The following ZYG11B variants were observed in gnomAD, a reference collection of about 807,000 sequenced individuals.
ZYG11B encodes the protein protein zyg-11 homolog B.
In ZYG11B, 36 loss-of-function variants were observed where a neutral mutation model predicts 82.4. That is an observed-to-expected ratio of 0.44 (90% CI 0.33 to 0.58). ZYG11B has a LOEUF of 0.58. Ranked by LOEUF, ZYG11B falls within the 20% of genes least tolerant of loss-of-function variation. ZYG11B has a pLI of 0.02. For synonymous variants in ZYG11B, 303 were observed against 312.8 expected (o/e 0.97, Z 0.33); for missense variants, 552 against 895.6 (o/e 0.62, Z 4.90).
intron 13 of ZYG11B, among the ~76,000 whole-genome samples, chr1:52,817,327 T>C (rs1193122332): frequency 6.6e-6 from 1 of 152,196 alleles, no homozygotes; most frequent in Admixed American, 6.6e-5. Flanking sequence ...CCAGCACCCA[T>C]GGTTTCTGAA....
At chr1:52,799,025 C>T (rs1216262395) in intron 8 of ZYG11B, among the ~76,000 whole-genome samples, 1 of 151,820 alleles carries the variant, frequency 6.6e-6, no homozygotes, top group Non-Finnish European at 1.5e-5. Context: ...ATGAATGATA[C>T]TTGCTACCTT....
chr1:52,802,253 A>G (rs1571791798), intron 10 of ZYG11B, 114 bp downstream of exon 10: 2 of 901,240 alleles, frequency 2.2e-6, no homozygotes, highest in East Asian at 2.6e-5. Flanking sequence ...TATCTAAGGC[A>G]CGGTCATTGC....
Position 52,821,334 on chromosome 1 carries a change from TA to T in ZYG11B, c.2045-96del, listed in dbSNP as rs889295494. On this transcript the variant is annotated intron_variant, in intron 13 of 13. Coordinates refer to ENST00000294353, the MANE Select transcript of ZYG11B (RefSeq NM_024646.3). ...TGTTAGTGATCAATAACAAAACAGC[TA>T]AAAAAAAATGGCTCCTAGAAGTCAT... 2,727 of 1,126,968 alleles carry T rather than the reference TA, an allele frequency of 2.4e-3. 1 individual carries two copies. The highest frequency in any genetic ancestry group is 3.3e-3 in the South Asian group (185 of 55,944). The allele number at this position is 1,126,968 out of a possible 1,614,324, so 69.8% of individuals were successfully genotyped here.
intron 8 of ZYG11B, among the ~76,000 whole-genome samples, chr1:52,800,756 G>A (rs1420380397): frequency 1.3e-5 from 2 of 152,010 alleles, no homozygotes; most frequent in Non-Finnish European, 2.9e-5. Flanking sequence ...GTCGCAGTGA[G>A]CTGAGATTGC....
In ZYG11B at chr1:52,771,854, G is replaced by A. The variant is rs1571979; in HGVS notation, c.951+80G>A. 0.48 allele frequency: 702,129 copies of A among 1,457,592 alleles called. 182,548 individuals carry two copies. The highest frequency in any genetic ancestry group is 0.97 in the East Asian group (42,746 of 43,948). 90.3% of individuals were successfully genotyped at this position (1,457,592 alleles called of 1,614,324 possible). On this transcript the variant is annotated intron_variant, in intron 3 of 13. Coordinates refer to ENST00000294353, the MANE Select transcript of ZYG11B (RefSeq NM_024646.3). The surrounding 1 kb of genome is among the most constrained non-coding windows in gnomAD (Gnocchi z 5.4). ...AAGACTCTATTAAAGATGAATGTCT[G>A]TAATATATGGAACATGTTCATGAAA...
intron 1 of ZYG11B, among the ~76,000 whole-genome samples, chr1:52,744,847 A>AT (rs1644463780): frequency 6.6e-6 from 1 of 152,166 alleles, no homozygotes; most frequent in African/African-American, 2.4e-5. Context: ...TATCAAAAAA[A>AT]AAATATATTT....
chr1:52,807,110 G>C (rs1229580189), intron 10 of ZYG11B, among the ~76,000 whole-genome samples: 1 of 151,792 alleles, frequency 6.6e-6, no homozygotes, highest in Non-Finnish European at 1.5e-5. Flanking sequence ...CTCATGATCT[G>C]CCCGCCTCAG....
chr1:52,796,884 TATATATAATATATAA>T (rs1558137116), intron 8 of ZYG11B, 100 bp downstream of exon 8: 1 of 121,612 alleles, frequency 8.2e-6, no homozygotes, highest in African/African-American at 4.1e-5. Context: ...TATATATAAT[TATATATAATATATAA>T]TTATATATAT....
intron 2 of ZYG11B, among the ~76,000 whole-genome samples, chr1:52,764,743 C>T (rs1042970452): frequency 6.6e-6 from 1 of 152,086 alleles, no homozygotes; most frequent in African/African-American, 2.4e-5. Flanking sequence ...GAACACTGTT[C>T]TCTTAAGAAG....
Position 52,802,085 on chromosome 1 carries a change from T to C in ZYG11B, c.1648-7T>C. On this transcript the variant is annotated splice_polypyrimidine_tract_variant and splice_region_variant and intron_variant, in intron 9 of 13. Transcript: ENST00000294353. ...AGGTAATTATAGGTTTCTTTTTCTT[T>C]TTACAGTCTTTCCCAACTGAGTCAT... 1 of 1,603,976 alleles carries C rather than the reference T, an allele frequency of 6.2e-7. No individual in the cohort carries two copies.
intron 1 of ZYG11B, among the ~76,000 whole-genome samples, chr1:52,734,440 G>GTT (rs11394003): frequency 0.039 from 5,767 of 146,418 alleles, 337 homozygotes; most frequent in African/African-American, 0.13. Context: ...GGAATAAAAG[G>GTT]TTTTTTTTTT....
chr1:52,754,594 C>G (rs1320450897), intron 1 of ZYG11B: 1 of 152,176 alleles, frequency 6.6e-6, no homozygotes, highest in Non-Finnish European at 1.5e-5. Flanking sequence ...GTTCCTCAGA[C>G]TGGTCTCAAA....
intron 10 of ZYG11B, among the ~76,000 whole-genome samples, chr1:52,807,849 G>C (rs1441196162): frequency 1.3e-5 from 2 of 151,102 alleles, no homozygotes; most frequent in Non-Finnish European, 3.0e-5. Context: ...TGGATCTGCT[G>C]ATGATGAATT....
intron 3 of ZYG11B, among the ~76,000 whole-genome samples, chr1:52,774,338 A>C: frequency 7.4e-6 from 1 of 135,430 alleles, no homozygotes; most frequent in Non-Finnish European, 1.5e-5. Flanking sequence ...GATGGAGTCT[A>C]GCTCCGTCAC....
intron 1 of ZYG11B, among the ~76,000 whole-genome samples, chr1:52,748,612 C>A (rs997509239): frequency 6.6e-6 from 1 of 152,216 alleles, no homozygotes; most frequent in African/African-American, 2.4e-5. Flanking sequence ...CCTGTAATCC[C>A]AGCACTTTGG....
intron 1 of ZYG11B, among the ~76,000 whole-genome samples, chr1:52,740,853 C>G (rs1293939695): frequency 6.7e-6 from 1 of 149,014 alleles, no homozygotes; most frequent in Non-Finnish European, 1.5e-5. Context: ...GTGTGAGCCA[C>G]TGCGCCCTGC....
At chr1:52,762,982 G>T (rs932470499) in intron 2 of ZYG11B, among the ~76,000 whole-genome samples, 26 of 141,590 alleles carry the variant, frequency 1.8e-4, no homozygotes, top group African/African-American at 3.8e-4. Flanking sequence ...AGATTGGGGG[G>T]GGGGGGTCTA....
intron 2 of ZYG11B, among the ~76,000 whole-genome samples, chr1:52,767,784 G>C (rs529783072): frequency 6.6e-6 from 1 of 152,278 alleles, no homozygotes; most frequent in South Asian, 2.1e-4. Flanking sequence ...ACCATGTTGG[G>C]AGGAGGTGGC....
chr1:52,740,810 T>C (rs188792368), intron 1 of ZYG11B, among the ~76,000 whole-genome samples: 8 of 150,772 alleles, frequency 5.3e-5, no homozygotes, highest in Non-Finnish European at 7.4e-5. Context: ...AGTGATCTGC[T>C]CACCTTGGCC....
Sources: allele counts gnomAD v4.1 joint callset (sites outside exome capture counted in the v4.1 genomes callset), GRCh38; gene constraint gnomAD v4.1.1; non-coding constraint Gnocchi (gnomAD v3.1); transcripts MANE v1.5; gene names NCBI Gene and HGNC (gene_info 2026-07-23, HGNC 2026-07-21).